Variants in COL21A1 observed in about 807,000 individuals in gnomAD.
The protein encoded by COL21A1 is collagen alpha-1(XXI) chain.
In COL21A1, 149 loss-of-function variants were observed where a neutral mutation model predicts 137.9. That is an observed-to-expected ratio of 1.08 (90% confidence interval 0.95 to 1.24). COL21A1 has a LOEUF of 1.24. Among genes scored for constraint, COL21A1 ranks in the 50% most tolerant of loss-of-function variants. COL21A1 has a pLI of 0.00. For synonymous variants in COL21A1, 456 were observed against 391.5 expected, an observed-to-expected ratio of 1.16 and a Z score of -1.95; for missense variants, 1,167 against 1,158.4, an observed-to-expected ratio of 1.01 and a Z score of -0.11.
intron 21 of COL21A1, 69 bp from the exon 22 acceptor site, chr6:56,069,186 T>C: frequency 1.1e-6 from 1 of 900,786 alleles, no homozygotes; most frequent in Non-Finnish European, 1.7e-6. Flanking sequence ...TGTTTTTATC[T>C]CTACATATCT....
chr6:56,173,665 A>G (rs1037852861), intron 3 of COL21A1, among the ~76,000 whole-genome samples: 3 of 152,190 alleles, frequency 2.0e-5, no homozygotes, highest in Admixed American at 6.5e-5. Flanking sequence ...TATAATAATT[A>G]TGATTATATA....
At chr6:56,131,442 T>C (rs957044720) in intron 12 of COL21A1, among the ~76,000 whole-genome samples, 1 of 151,566 alleles carries the variant, frequency 6.6e-6, no homozygotes, top group Non-Finnish European at 1.5e-5. Context: ...GATTGGGAGA[T>C]ACAATTGTTT....
chr6:56,099,744 G>A (rs1770280706), intron 17 of COL21A1, among the ~76,000 whole-genome samples: 1 of 151,756 alleles, frequency 6.6e-6, no homozygotes, highest in Non-Finnish European at 1.5e-5. Context: ...ATCACACCCA[G>A]TCTTATATCC....
Position 56,316,725 on chromosome 6 carries a change from A to G in COL21A1, c.-39+77246T>C, listed in dbSNP as rs571207138. 4.0e-4 allele frequency among the ~76,000 whole-genome samples: 54 copies of G among 136,214 alleles called. No homozygotes were observed. In the South Asian group the frequency reaches 7.5e-3, roughly 19 times the overall value. The allele number at this position is 136,214 out of a possible 152,430, so 89.4% of individuals were successfully genotyped here. On this transcript the variant is annotated intron_variant, in intron 1 of 28. Transcript: ENST00000370819. ...TTGAACTCCTGGCCTCAAGTGATCC[A>G]CCCACTTCAGCCTCCCAAAGTGCCC...
chr6:56,077,612 T>C (rs755204755), intron 17 of COL21A1, 39 bp from the exon 18 acceptor site: 1 of 1,264,300 alleles, frequency 7.9e-7, no homozygotes, highest in Non-Finnish European at 1.1e-6. Context: ...TTATAAAAAA[T>C]TGAAGACTTT....
intron 16 of COL21A1, among the ~76,000 whole-genome samples, chr6:56,110,286 T>A: frequency 7.1e-6 from 1 of 140,150 alleles, no homozygotes. Flanking sequence ...AAATTCAACA[T>A]CTAATCATGA....
chr6:56,150,553 CACA>C, intron 10 of COL21A1, among the ~76,000 whole-genome samples: 1 of 151,020 alleles, frequency 6.6e-6, no homozygotes, highest in Non-Finnish European at 1.5e-5. Context: ...CACACACACA[CACA>C]CACACACACA....
At chr6:56,358,449 G>A (rs1244068483) in intron 1 of COL21A1, among the ~76,000 whole-genome samples, 2 of 152,052 alleles carry the variant, frequency 1.3e-5, no homozygotes, top group African/African-American at 2.4e-5. Context: ...ATCTTCAAAC[G>A]ATGATTGCAA....
At chr6:56,251,409 A>G (rs1782849848), upstream of COL21A1, among the ~76,000 whole-genome samples, 1 of 152,226 alleles carries the variant, frequency 6.6e-6, no homozygotes, top group African/African-American at 2.4e-5. Flanking sequence ...GTAAACAAAT[A>G]TTTATCGAAT....
At chr6:56,232,179 G>A (rs939774060) in intron 1 of COL21A1, among the ~76,000 whole-genome samples, 2 of 151,662 alleles carry the variant, frequency 1.3e-5, no homozygotes, top group African/African-American at 2.4e-5. Context: ...ATCTATGTCT[G>A]GCATTCTGAA....
intron 10 of COL21A1, among the ~76,000 whole-genome samples, chr6:56,148,200 C>T (rs1561917228): frequency 6.6e-6 from 1 of 152,042 alleles, no homozygotes; most frequent in Admixed American, 6.6e-5. Context: ...TGCCTTTTCA[C>T]CAAGGTTAAA....
chr6:56,174,954 C>T (rs1777341833), intron 3 of COL21A1, among the ~76,000 whole-genome samples: 1 of 151,948 alleles, frequency 6.6e-6, no homozygotes, highest in Non-Finnish European at 1.5e-5. Flanking sequence ...AAACATCATA[C>T]ACCATGACCA....
chr6:56,180,792 G>A (rs1340703698), intron 2 of COL21A1, among the ~76,000 whole-genome samples: 1 of 152,124 alleles, frequency 6.6e-6, no homozygotes, highest in Non-Finnish European at 1.5e-5. Flanking sequence ...AACTATTATT[G>A]CTGCTTTAAG....
chr6:56,350,770 G>A (rs1005199142), intron 1 of COL21A1, among the ~76,000 whole-genome samples: 1 of 152,132 alleles, frequency 6.6e-6, no homozygotes, highest in Non-Finnish European at 1.5e-5. Flanking sequence ...TAGTAACCTA[G>A]GGCCTTGGAC....
At chr6:56,154,936 G>A (rs763009002) in intron 10 of COL21A1, among the ~76,000 whole-genome samples, 2 of 151,554 alleles carry the variant, frequency 1.3e-5, no homozygotes, top group Non-Finnish European at 2.9e-5. Flanking sequence ...TCTTTTTTGA[G>A]TTCAGGGGTA....
At chr6:56,143,571 T>C (rs933875201) in intron 10 of COL21A1, among the ~76,000 whole-genome samples, 2 of 152,214 alleles carry the variant, frequency 1.3e-5, no homozygotes, top group African/African-American at 4.8e-5. Flanking sequence ...CAGAATATAT[T>C]GTTATGATTT....
intron 1 of COL21A1, among the ~76,000 whole-genome samples, chr6:56,318,672 T>C (rs1454229611): frequency 6.6e-6 from 1 of 152,098 alleles, no homozygotes; most frequent in Admixed American, 6.6e-5. Flanking sequence ...ATCTTACCTC[T>C]TGTGCACTGG....
chr6:56,150,360 T>C (rs777771749), intron 10 of COL21A1, among the ~76,000 whole-genome samples: 6 of 151,922 alleles, frequency 3.9e-5, no homozygotes, highest in Non-Finnish European at 4.4e-5. Flanking sequence ...CTACTAAAAA[T>C]ACAAAAAATT....
Position 56,160,235 on chromosome 6 carries a change from T to C in COL21A1, c.1372-3286A>G, listed in dbSNP as rs773217974. Among the ~76,000 whole-genome samples, 16 of 152,272 alleles carry C rather than the reference T, an allele frequency of 1.1e-4. 1 individual carries two copies. The highest frequency in any genetic ancestry group is 2.2e-4 in the African/African-American group (9 of 41,482). On this transcript the variant is annotated intron_variant, in intron 9 of 29. Transcript: ENST00000244728. ...GACACTCAACCTTTATTGACTGTTA[T>C]GTGCTAAGCACTGGTCCAACAGATT...
Sources: allele counts gnomAD v4.1 joint callset (sites outside exome capture counted in the v4.1 genomes callset), GRCh38; gene constraint gnomAD v4.1.1; transcripts MANE v1.5; gene names NCBI Gene and HGNC (gene_info 2026-07-23, HGNC 2026-07-21).